Variants in THSD7A observed in about 807,000 individuals in gnomAD.
THSD7A encodes thrombospondin type-1 domain-containing protein 7A.
THSD7A carries 96 observed loss-of-function variants against 231.3 expected under a neutral mutation model. That is an observed-to-expected ratio of 0.41 (90% CI 0.35 to 0.49). The LOEUF (loss-of-function observed/expected upper bound fraction) is 0.49, where lower values mean the gene tolerates loss of function less well. Among genes scored for constraint, THSD7A ranks in the 20% least tolerant of loss-of-function variants. THSD7A has a pLI of 0.05. For missense variants in THSD7A, 2,290 were observed against 2,070.2 expected (o/e 1.11, Z -2.06); for synonymous variants, 940 against 743.3 (o/e 1.26, Z -4.30).
At chr7:11,457,312 C>G (rs1268369501) in intron 11 of THSD7A, among the ~76,000 whole-genome samples, 1 of 152,002 alleles carries the variant, frequency 6.6e-6, no homozygotes, top group Non-Finnish European at 1.5e-5. Flanking sequence ...ATTAGCTCTA[C>G]TTTTAGACCT....
At chr7:11,735,391 C>A (rs1781881988) in intron 1 of THSD7A, among the ~76,000 whole-genome samples, 1 of 151,854 alleles carries the variant, frequency 6.6e-6, no homozygotes, top group African/African-American at 2.4e-5. Context: ...CATGATGCCA[C>A]AAGTAGAAAA....
chr7:11,382,500 A>G lies in THSD7A; in HGVS notation c.4507+21T>C, dbSNP rs747055440. 4 of 1,585,782 alleles carry G rather than the reference A, an allele frequency of 2.5e-6. No individual in the cohort carries two copies. In the African/African-American group the frequency reaches 4.0e-5, roughly 16 times the overall value. On this transcript the variant is annotated intron_variant, in intron 24 of 27. Transcript: ENST00000423059. ...TGTTACAGGAAGATTTTCAAAGGAC[A>G]AAGAGAAACTGGAGGTTTACCTGTT...
intron 1 of THSD7A, among the ~76,000 whole-genome samples, chr7:11,812,773 A>C (rs1193514915): frequency 1.3e-5 from 2 of 152,194 alleles, no homozygotes; most frequent in Admixed American, 6.5e-5. Flanking sequence ...ACTTTAAAGG[A>C]CTTTATAGAA....
chr7:11,678,256 T>C (rs139253058), intron 1 of THSD7A, among the ~76,000 whole-genome samples: 22,921 of 151,990 alleles, frequency 0.15, 1,855 homozygotes, highest in Admixed American at 0.19. Flanking sequence ...AGATGTAAAA[T>C]TGACACGCTA....
chr7:11,375,923 T>C, intron 27 of THSD7A, 45 bp from the exon 28 acceptor site: 1 of 1,578,130 alleles, frequency 6.3e-7, no homozygotes, highest in Non-Finnish European at 8.7e-7. Flanking sequence ...CAGTTTCTAA[T>C]TGTAAATTTG....
At chr7:11,699,711 A>C (rs1780519718) in intron 1 of THSD7A, among the ~76,000 whole-genome samples, 1 of 151,328 alleles carries the variant, frequency 6.6e-6, no homozygotes, top group African/African-American at 2.4e-5. Context: ...GAACATGCCA[A>C]TTTTGCTATT....
At chr7:11,543,503 G>A (rs941824016) in intron 4 of THSD7A, among the ~76,000 whole-genome samples, 1 of 152,082 alleles carries the variant, frequency 6.6e-6, no homozygotes, top group Non-Finnish European at 1.5e-5. Context: ...ATAGGAGGGG[G>A]ACTATAGCTT....
chr7:11,578,371 G>T (rs1445979036), intron 4 of THSD7A, among the ~76,000 whole-genome samples: 1 of 152,116 alleles, frequency 6.6e-6, no homozygotes, highest in African/African-American at 2.4e-5. Flanking sequence ...GCAAAAGATA[G>T]GTTAATTCAA....
chr7:11,779,049 T>A (rs543577716), intron 1 of THSD7A, among the ~76,000 whole-genome samples: 1 of 152,260 alleles, frequency 6.6e-6, no homozygotes, highest in African/African-American at 2.4e-5. Flanking sequence ...TTTCCTAGGT[T>A]AAGTCTCTAA....
intron 10 of THSD7A, 47 bp from the exon 11 acceptor site, chr7:11,460,812 A>C: frequency 6.8e-7 from 1 of 1,469,794 alleles, no homozygotes; most frequent in Non-Finnish European, 9.4e-7. Context: ...CAAAAATGCC[A>C]GCAAATCACA....
At chr7:11,539,673 A>G (rs1164796079) in intron 6 of THSD7A, among the ~76,000 whole-genome samples, 1 of 152,204 alleles carries the variant, frequency 6.6e-6, no homozygotes, top group African/African-American at 2.4e-5. Flanking sequence ...AAAATAAGCC[A>G]CTGATATTTT....
chr7:11,525,142 A>G (rs1254560960), intron 6 of THSD7A, among the ~76,000 whole-genome samples: 1 of 152,180 alleles, frequency 6.6e-6, no homozygotes, highest in Non-Finnish European at 1.5e-5. Flanking sequence ...ATAAGAAGAT[A>G]TTACACTGAG....
intron 2 of THSD7A, among the ~76,000 whole-genome samples, chr7:11,600,555 T>C (rs1464593684): frequency 6.6e-6 from 1 of 152,172 alleles, no homozygotes; most frequent in African/African-American, 2.4e-5. Context: ...GTGGTACATA[T>C]ACTTTGAAGA....
At chr7:11,526,953 C>G (rs188578276) in intron 6 of THSD7A, among the ~76,000 whole-genome samples, 36 of 152,258 alleles carry the variant, frequency 2.4e-4, no homozygotes, top group Non-Finnish European at 4.6e-4. Context: ...CCTTATACAG[C>G]AAGCACAATA....
intron 6 of THSD7A, among the ~76,000 whole-genome samples, chr7:11,501,014 TA>T (rs146452497): frequency 7.1e-5 from 10 of 141,814 alleles, no homozygotes; most frequent in Admixed American, 2.1e-4. Flanking sequence ...CCAACAAAGA[TA>T]AAAAAAAAAG....
At chr7:11,471,019 A>G (rs890563368) in intron 8 of THSD7A, among the ~76,000 whole-genome samples, 4 of 151,998 alleles carry the variant, frequency 2.6e-5, no homozygotes, top group Non-Finnish European at 5.9e-5. Context: ...TAATTTTTAA[A>G]TTTCCCAATT....
In THSD7A at chr7:11,446,519, A is replaced by G. The variant is rs1348867769; in HGVS notation, c.2801-195T>C. ...CTCCTGTTGGTATTGGGTGCTTTGC[A>G]TAGTAAAATTTGTATTATTTTTTCA... On this transcript the variant is annotated intron_variant, in intron 12 of 27. Transcript: ENST00000423059. This position sits in a 1 kb window ranked among gnomAD's most constrained non-coding sequence, Gnocchi z 4.0. Among the ~76,000 whole-genome samples, 2 of 152,124 alleles carry G rather than the reference A, an allele frequency of 1.3e-5. No homozygotes were observed. The highest frequency in any genetic ancestry group is 3.9e-4 in the East Asian group (2 of 5,180).
intron 1 of THSD7A, among the ~76,000 whole-genome samples, chr7:11,741,184 C>T (rs1188657600): frequency 6.6e-6 from 1 of 151,892 alleles, no homozygotes; most frequent in Non-Finnish European, 1.5e-5. Flanking sequence ...GGTGTTTAAA[C>T]ATGTCATAGC....
chr7:11,682,107 T>C (rs1783892800), intron 1 of THSD7A, among the ~76,000 whole-genome samples: 1 of 151,602 alleles, frequency 6.6e-6, no homozygotes, highest in African/African-American at 2.4e-5. Flanking sequence ...CTTAAGGGAG[T>C]TCTAAACATG....
Sources: allele counts gnomAD v4.1 joint callset (sites outside exome capture counted in the v4.1 genomes callset), GRCh38; gene constraint gnomAD v4.1.1; non-coding constraint Gnocchi (gnomAD v3.1); transcripts MANE v1.5; gene names NCBI Gene and HGNC (gene_info 2026-07-23, HGNC 2026-07-21).